The following FRS2 variants were observed in gnomAD, a reference collection of about 807,000 sequenced individuals.
FRS2 encodes the protein FGFR signalling adaptor.
In FRS2, 8 loss-of-function variants were observed where a neutral mutation model predicts 43.9. The ratio of observed to expected loss-of-function variants is 0.18; its 90% CI spans 0.11 to 0.33. The LOEUF (loss-of-function observed/expected upper bound fraction) is 0.33. FRS2 is among the 10% of genes least tolerant of loss of function. FRS2 has a pLI of 1.00. For synonymous variants in FRS2, 219 were observed against 220.3 expected (o/e 0.99, Z 0.05); for missense variants, 534 against 627.6 (o/e 0.85, Z 1.59).
intron 1 of FRS2, among the ~76,000 whole-genome samples, chr12:69,479,603 G>A (rs1284643155): frequency 1.3e-5 from 2 of 151,610 alleles, no homozygotes; most frequent in Non-Finnish European, 2.9e-5. Flanking sequence ...TCACTATGTT[G>A]GCTAGGATGG....
At chr12:69,515,881 GCCCCAC>G (rs1565739365) in intron 1 of FRS2, among the ~76,000 whole-genome samples, 1 of 141,940 alleles carries the variant, frequency 7.0e-6, no homozygotes, top group South Asian at 2.3e-4. Context: ...TAGTTTGACC[GCCCCAC>G]CCCCACCCCC....
At chr12:69,529,348 G>T (rs2135654340) in intron 1 of FRS2, among the ~76,000 whole-genome samples, 1 of 152,266 alleles carries the variant, frequency 6.6e-6, no homozygotes, top group South Asian at 2.1e-4. Flanking sequence ...GGTAGGCTGG[G>T]CATGGTGGCT....
chr12:69,538,915 A>T (rs527822081), intron 3 of FRS2, among the ~76,000 whole-genome samples: 9 of 152,176 alleles, frequency 5.9e-5, no homozygotes, highest in Admixed American at 5.9e-4. Flanking sequence ...ACAAAATAAC[A>T]TAACATTTAG....
intron 1 of FRS2, among the ~76,000 whole-genome samples, chr12:69,477,885 C>T (rs1236237143): frequency 1.1e-4 from 17 of 151,366 alleles, no homozygotes; most frequent in African/African-American, 2.4e-4. Context: ...GGACTACAGG[C>T]GCCCACCACC....
intron 1 of FRS2, among the ~76,000 whole-genome samples, chr12:69,528,853 C>T (rs1168220001): frequency 2.0e-5 from 3 of 152,092 alleles, no homozygotes; most frequent in African/African-American, 4.8e-5. Context: ...AGAAATAAGC[C>T]AGAGAGAGAG....
At chr12:69,498,545 G>GTGTGTGTGTGTGTC (rs1555184774) in intron 1 of FRS2, among the ~76,000 whole-genome samples, 1 of 151,874 alleles carries the variant, frequency 6.6e-6, no homozygotes, top group African/African-American at 2.4e-5. Context: ...GTGTGTGTGT[G>GTGTGTGTGTGTGTC]TGTGTGTTTG....
In FRS2 at chr12:69,569,452, A is replaced by G. The variant is rs376036590; in HGVS notation, c.66+356A>G. Among the ~76,000 whole-genome samples, 67 of 152,268 alleles carry G rather than the reference A, an allele frequency of 4.4e-4. 1 individual carries two copies. In the South Asian group the frequency reaches 9.1e-3, roughly 21 times the overall value. ...GGACTCTACCTCAAGTCACCCTCTGATTCATCCTGTAGTCACCATCAAATT... is the reference window on the plus strand; with the variant it reads ...GGACTCTACCTCAAGTCACCCTCTGGTTCATCCTGTAGTCACCATCAAATT... On this transcript the variant is annotated intron_variant, in intron 5 of 8. Transcript: ENST00000549921.
intron 3 of FRS2, among the ~76,000 whole-genome samples, chr12:69,534,508 G>A (rs981599050): frequency 4.6e-5 from 7 of 152,158 alleles, no homozygotes; most frequent in Non-Finnish European, 1.0e-4. Context: ...TGAAGAACAA[G>A]CATTTTCCCT....
chr12:69,575,459 T>C lies in FRS2; in HGVS notation c.*504T>C, dbSNP rs571510995. ...GCTTTTTGACTTGAGCCAAAACATATGTAAAGGAAACAGAAGTACCGCACC... is the reference window on the plus strand; with the variant it reads ...GCTTTTTGACTTGAGCCAAAACATACGTAAAGGAAACAGAAGTACCGCACC... On this transcript the variant is annotated 3_prime_UTR_variant, in exon 9 of 9. Coordinates refer to ENST00000549921, the MANE Select transcript of FRS2 (RefSeq NM_001278356.2). 2.6e-5 allele frequency: 4 copies of C among 153,952 alleles called. No homozygotes were observed. The highest frequency in any genetic ancestry group is 1.9e-4 in the Admixed American group (3 of 15,480). 9.5% of individuals were successfully genotyped at this position (153,952 alleles called of 1,614,324 possible).
intron 7 of FRS2, 26 bp from the exon 8 acceptor site, chr12:69,572,092 C>T (rs758117807): frequency 6.2e-6 from 10 of 1,604,014 alleles, no homozygotes; most frequent in Admixed American, 3.3e-5. Flanking sequence ...CCCCCCTTTT[C>T]CTTAAACCAA....
chr12:69,561,290 T>TA (rs1335208300), intron 3 of FRS2, among the ~76,000 whole-genome samples: 4 of 152,230 alleles, frequency 2.6e-5, no homozygotes, highest in Admixed American at 6.5e-5. Context: ...ATTTTATATA[T>TA]AAAATTGAAG....
At chr12:69,573,433 G>GT (rs1347197956) in intron 8 of FRS2, among the ~76,000 whole-genome samples, 1 of 152,010 alleles carries the variant, frequency 6.6e-6, no homozygotes, top group Non-Finnish European at 1.5e-5. Context: ...TATTTATCAT[G>GT]TTTAACAATC....
At chr12:69,518,144 G>C (rs774771261) in intron 1 of FRS2, among the ~76,000 whole-genome samples, 25 of 152,148 alleles carry the variant, frequency 1.6e-4, no homozygotes, top group Non-Finnish European at 3.4e-4. Context: ...AGCTTGTCTT[G>C]AGTGCTTTGA....
chr12:69,569,067 G>A lies in FRS2; in HGVS notation c.37G>A (p.Val13Ile), dbSNP rs1337935415. Residue 13 changes from valine to isoleucine, a missense_variant, in exon 5 of 9, where the codon GTC becomes ATC. Transcript: ENST00000549921. ...SCCSCPDKDT[V>I]PDNHRNKFKV... Reference sequence around the variant, plus strand: ...TTGTAGCTGTCCAGATAAAGACACTGTCCCAGATAACCATCGGAACAAGTT... The same window carrying A: ...TTGTAGCTGTCCAGATAAAGACACTATCCCAGATAACCATCGGAACAAGTT... 1 of 1,612,044 alleles carries A rather than the reference G, an allele frequency of 6.2e-7. No individual in the cohort carries two copies. The highest frequency in any genetic ancestry group is 8.5e-7 in the Non-Finnish European group (1 of 1,178,502).
chr12:69,549,025 C>G (rs1323262815), intron 3 of FRS2, among the ~76,000 whole-genome samples: 1 of 151,988 alleles, frequency 6.6e-6, no homozygotes, highest in Non-Finnish European at 1.5e-5. Context: ...ACTTTTAAGC[C>G]CTACCTTAAA....
At chr12:69,537,597 C>CT (rs887802142) in intron 3 of FRS2, among the ~76,000 whole-genome samples, 16 of 150,132 alleles carry the variant, frequency 1.1e-4, no homozygotes, top group African/African-American at 2.4e-4. Context: ...TGTGTTAAGC[C>CT]TTTTTTTTTC....
chr12:69,539,729 G>A (rs550419282), intron 3 of FRS2, among the ~76,000 whole-genome samples: 2 of 152,062 alleles, frequency 1.3e-5, no homozygotes, highest in Admixed American at 6.5e-5. Context: ...GCCAAGGCGG[G>A]CAAATCACGA....
At chr12:69,553,894 G>C (rs1879122590) in intron 3 of FRS2, among the ~76,000 whole-genome samples, 1 of 152,196 alleles carries the variant, frequency 6.6e-6, no homozygotes, top group Non-Finnish European at 1.5e-5. Flanking sequence ...AGTAAACCCA[G>C]GCTGTGTGTC....
At chr12:69,537,912 G>A (rs1877465702) in intron 3 of FRS2, 1 of 152,116 alleles carries the variant, frequency 6.6e-6, no homozygotes, top group Admixed American at 6.6e-5. Context: ...ATAAATTCTT[G>A]CAGGAGATTT....
Sources: gnomAD v4.1 joint callset for allele counts (sites outside exome capture counted in the v4.1 genomes callset) on GRCh38, gnomAD v4.1.1 for gene constraint, MANE v1.5 for transcripts, NCBI Gene and HGNC (gene_info 2026-07-23, HGNC 2026-07-21) for gene names.